The following ADGRG6 variants were observed in gnomAD, a reference collection of about 807,000 sequenced individuals.
ADGRG6 encodes the protein adhesion G protein-coupled receptor G6, also known as G-protein coupled receptor 126.
A neutral mutation model predicts 142.4 loss-of-function variants in ADGRG6; 84 were observed. The observed-to-expected ratio is 0.59, with a 90% CI of 0.49 to 0.71. The LOEUF is 0.71. Ranked by LOEUF, ADGRG6 falls within the 30% of genes least tolerant of loss-of-function variation. ADGRG6 has a pLI of 0.00. For missense variants in ADGRG6, 1,367 were observed against 1,466.6 expected, an observed-to-expected ratio of 0.93 and a Z score of 1.11; for synonymous variants, 521 against 520.5, an observed-to-expected ratio of 1.00 and a Z score of -0.01.
At chr6:142,349,669 G>A (rs919477153) in intron 2 of ADGRG6, among the ~76,000 whole-genome samples, 1 of 152,254 alleles carries the variant, frequency 6.6e-6, no homozygotes, top group African/African-American at 2.4e-5. Context: ...CATGATGTTG[G>A]CTATTGCATA....
chr6:142,402,772 A>C lies in ADGRG6; in HGVS notation c.1897A>C (p.Asn633His). The change falls in exon 13 of 25, where the codon AAT becomes CAT. Residue 633 changes from asparagine to histidine, a missense_variant. This residue lies in a region of ADGRG6 where 737 missense variants were observed against 746.5 expected (regional missense o/e 0.99). Transcript: ENST00000367609. ...IDITLGSTLM[N>H]IFSNILSSSD... ...TATAACACTTGGCTCAACTCTAATG[A>C]ATATATTTTCTAATATCTTAAGCAG... 1 of 1,602,140 alleles carries C rather than the reference A, an allele frequency of 6.2e-7. No homozygotes were observed. Among genetic ancestry groups the C allele is most frequent in the Non-Finnish European group, 8.5e-7 (1 of 1,170,276 alleles).
chr6:142,436,599 G>A (rs1418714108), intron 22 of ADGRG6, among the ~76,000 whole-genome samples: 1 of 152,134 alleles, frequency 6.6e-6, no homozygotes, highest in Non-Finnish European at 1.5e-5. Context: ...AAGAAAATTG[G>A]AGGTTAAGGG....
intron 22 of ADGRG6, among the ~76,000 whole-genome samples, chr6:142,429,255 A>G (rs7755109): frequency 0.4 from 60,257 of 152,086 alleles, 13,621 homozygotes; most frequent in African/African-American, 0.62. Flanking sequence ...TATGCCAAAT[A>G]TCAATGAAGT....
In ADGRG6 at chr6:142,382,022, A is replaced by G; in HGVS notation, c.1138+3A>G. ...AGACCTGGGGACCCTCTGTCAAGGTAGGGAGCCCACACCGTGCTCTGGAAT... is the reference window on the plus strand; with the variant it reads ...AGACCTGGGGACCCTCTGTCAAGGTGGGGAGCCCACACCGTGCTCTGGAAT... On this transcript the variant is annotated splice_donor_region_variant and intron_variant, in intron 5 of 24. Coordinates refer to ENST00000367609, the MANE Select transcript of ADGRG6 (RefSeq NM_198569.3). 6.3e-7 allele frequency: 1 copy of G among 1,580,552 alleles called. No individual in the cohort carries two copies. Among genetic ancestry groups the G allele is most frequent in the Non-Finnish European group, 8.7e-7 (1 of 1,154,146 alleles).
intron 22 of ADGRG6, 37 bp from the exon 23 acceptor site, chr6:142,437,397 C>A (rs1275649909): frequency 2.2e-6 from 2 of 917,568 alleles, no homozygotes; most frequent in South Asian, 1.4e-5. Flanking sequence ...AAAGATGTGT[C>A]AGTTGGCTTA....
intron 2 of ADGRG6, among the ~76,000 whole-genome samples, chr6:142,325,564 A>G (rs9376686): frequency 3.3e-5 from 5 of 152,284 alleles, no homozygotes; most frequent in Non-Finnish European, 5.9e-5. Flanking sequence ...AATGAATTGT[A>G]TGTTTTGGAT....
chr6:142,426,516 A>G (rs752336335), intron 22 of ADGRG6, among the ~76,000 whole-genome samples: 77 of 152,130 alleles, frequency 5.1e-4, no homozygotes, highest in Non-Finnish European at 6.3e-4. Context: ...AGCTGCTTTC[A>G]CAGGCTGACA....
At position 142,367,910 on chromosome 6, in the gene ADGRG6, G is replaced by C; in HGVS notation, c.445G>C (p.Val149Leu). ...AGGTTTCAATGCCAGCTACATCAGA[G>C]GTATGTAAACCAAAGGCAACGCCAA... ...KKGFNASYIR[V>L]AVSLRNQKVI... The change falls in exon 3 of 25, where the codon GTT becomes CTT. Residue 149 changes from valine (V) to leucine (L), a missense_variant and splice_region_variant. Physicochemically the swap from Val to Leu is conservative, Grantham distance 32. Around this residue, in one of 3 missense-constraint regions of ADGRG6, gnomAD observed 737 missense variants for 746.5 expected, o/e 0.99. Coordinates refer to ENST00000367609, the MANE Select transcript of ADGRG6 (RefSeq NM_198569.3). 6.3e-7 allele frequency: 1 copy of C among 1,587,178 alleles called. No individual in the cohort carries two copies. Among genetic ancestry groups the C allele is most frequent in the Non-Finnish European group, 8.6e-7 (1 of 1,164,450 alleles).
Position 142,414,992 on chromosome 6 carries a change from G to A in ADGRG6, c.2565G>A (p.Gln855=), listed in dbSNP as rs1159725891. ...AGGACCTTCCAAGAAGTGCCTCACA[G>A]TTAGATGCAAGAAACACTAAAGTCC... ...VLMDLPRSAS[Q]LDARNTKVLT... Residue 855 remains glutamine, a synonymous_variant, in exon 19 of 25, where the codon CAG becomes CAA. Coordinates refer to ENST00000367609, the MANE Select transcript of ADGRG6 (RefSeq NM_198569.3). The A allele has an allele frequency of 6.2e-7, 1 of 1,611,432 alleles. No homozygotes were observed. The highest frequency in any genetic ancestry group is 1.7e-5 in the Admixed American group (1 of 59,708).
In ADGRG6 at chr6:142,443,374, C is replaced by A. The variant is rs1265089080; in HGVS notation, c.3612C>A (p.Ala1204=). The change falls in exon 25 of 25, where the codon GCC becomes GCA. Residue 1204 remains alanine, a synonymous_variant. Transcript: ENST00000367609. ...TGGACAAGTCCTTGTCAAAACTGGC[C>A]CATGCTGATGGAGATCAAACATCAA... The part of the protein sequence containing the change: ...ASMDKSLSKL[A]HADGDQTSII... The A allele has an allele frequency of 1.2e-6, 2 of 1,612,414 alleles. No individual in the cohort carries two copies. Among genetic ancestry groups the A allele is most frequent in the Non-Finnish European group, 1.7e-6 (2 of 1,178,912 alleles).
At chr6:142,304,416 G>T (rs553517076) in intron 1 of ADGRG6, among the ~76,000 whole-genome samples, 1 of 152,254 alleles carries the variant, frequency 6.6e-6, no homozygotes, top group East Asian at 1.9e-4. Flanking sequence ...GTCTCAAGCT[G>T]CATGAAGCTA....
intron 2 of ADGRG6, among the ~76,000 whole-genome samples, chr6:142,357,893 A>G (rs1780530113): frequency 6.6e-6 from 1 of 152,224 alleles, no homozygotes; most frequent in South Asian, 2.1e-4. Flanking sequence ...TGAACAAACT[A>G]AAATATGGCT....
intron 4 of ADGRG6, among the ~76,000 whole-genome samples, chr6:142,378,598 G>A (rs1280192545): frequency 1.3e-5 from 2 of 152,124 alleles, no homozygotes; most frequent in Non-Finnish European, 2.9e-5. Context: ...CTCTTCAAAT[G>A]TTCTTTTTTC....
At chr6:142,364,510 A>T (rs1780860968) in intron 2 of ADGRG6, among the ~76,000 whole-genome samples, 1 of 152,200 alleles carries the variant, frequency 6.6e-6, no homozygotes, top group Admixed American at 6.5e-5. Flanking sequence ...TATAGTAATT[A>T]TTAATAATAG....
At chr6:142,333,589 A>G (rs771253074) in intron 2 of ADGRG6, among the ~76,000 whole-genome samples, 1 of 152,124 alleles carries the variant, frequency 6.6e-6, no homozygotes, top group African/African-American at 2.4e-5. Flanking sequence ...GGCTCAAGCA[A>G]TCCTCCTGCC....
At chr6:142,405,598 A>C in intron 14 of ADGRG6, 90 bp from the exon 15 acceptor site, 1 of 1,052,230 alleles carries the variant, frequency 9.5e-7, no homozygotes, top group South Asian at 1.4e-5. Flanking sequence ...TGAACTTGCA[A>C]TTGTTCACTC....
At chr6:142,408,656 A>G (rs1389564928) in intron 16 of ADGRG6, among the ~76,000 whole-genome samples, 2 of 152,170 alleles carry the variant, frequency 1.3e-5, no homozygotes, top group Non-Finnish European at 2.9e-5. Flanking sequence ...AAAGCCAACA[A>G]AGAAACAGGG....
chr6:142,443,330 C>T lies in ADGRG6; in HGVS notation c.3575-7C>T. 6.2e-7 allele frequency: 1 copy of T among 1,603,984 alleles called. No individual in the cohort carries two copies. The highest frequency in any genetic ancestry group is 1.3e-5 in the African/African-American group (1 of 74,630). ...TTGAACCTAATTTCTTGTATCATTTCTTGCAGACAGTGCTTCCATGGACAA... is the reference window on the plus strand; with the variant it reads ...TTGAACCTAATTTCTTGTATCATTTTTTGCAGACAGTGCTTCCATGGACAA... On this transcript the variant is annotated splice_polypyrimidine_tract_variant and splice_region_variant and intron_variant, in intron 24 of 24. Transcript: ENST00000367609.
intron 2 of ADGRG6, among the ~76,000 whole-genome samples, chr6:142,359,835 T>C (rs1780631167): frequency 2.6e-5 from 4 of 152,168 alleles, no homozygotes; most frequent in Admixed American, 2.6e-4. Context: ...GAGTGCTGTA[T>C]ATGTCAGTCA....
Sources: allele counts gnomAD v4.1 joint callset (sites outside exome capture counted in the v4.1 genomes callset), GRCh38; gene constraint gnomAD v4.1.1; regional missense constraint gnomAD v4.1.1; transcripts MANE v1.5; gene names NCBI Gene and HGNC (gene_info 2026-07-23, HGNC 2026-07-21).